Variants in NLRP5 observed in about 807,000 individuals in gnomAD.
NLRP5 encodes NLR family pyrin domain containing 5.
NLRP5 carries 93 observed loss-of-function variants against 113.1 expected under a neutral mutation model. The observed-to-expected ratio is 0.82, with a 90% CI of 0.70 to 0.98. The LOEUF (loss-of-function observed/expected upper bound fraction) is 0.98. NLRP5 is among the 50% of genes least tolerant of loss of function. The pLI, the probability that NLRP5 is intolerant of heterozygous loss-of-function variation, is 0.00. For synonymous variants in NLRP5, 751 were observed against 600.7 expected (o/e 1.25, Z -3.66); for missense variants, 1,808 against 1,514.3 (o/e 1.19, Z -3.22).
chr19:56,032,846 T>C, intron 8 of NLRP5, 65 bp downstream of exon 8: 2 of 1,473,712 alleles, frequency 1.4e-6, no homozygotes, highest in East Asian at 4.6e-5. Flanking sequence ...CTCCCCTACC[T>C]CCTGAGAGAC....
Position 56,061,740 on chromosome 19 carries a change from G to T in NLRP5, c.*212G>T. 1 of 544,516 alleles carries T rather than the reference G, an allele frequency of 1.8e-6. No individual in the cohort carries two copies. The highest frequency in any genetic ancestry group is 3.3e-6 in the Non-Finnish European group (1 of 307,460). 33.7% of individuals were successfully genotyped at this position (544,516 alleles called of 1,614,324 possible). The stretch of plus-strand genomic sequence containing the variant: ...AGAGACCTTCAAGTCATAGGACTCA[G>T]TATCTGTGAAATGTCCGTCATATCT... On this transcript the variant is annotated 3_prime_UTR_variant, in exon 15 of 15. Transcript: ENST00000390649.
At chr19:56,026,255 G>T (rs533261632) in intron 6 of NLRP5, among the ~76,000 whole-genome samples, 3 of 151,968 alleles carry the variant, frequency 2.0e-5, no homozygotes, top group Admixed American at 6.6e-5. Context: ...TCAGCTGGGC[G>T]CAGTGGTTCA....
At chr19:56,031,463 T>C (rs939219044) in intron 7 of NLRP5, among the ~76,000 whole-genome samples, 4 of 151,890 alleles carry the variant, frequency 2.6e-5, no homozygotes, top group African/African-American at 9.7e-5. Context: ...ACCCCATCTC[T>C]ACTAAAAAAA....
intron 1 of NLRP5, among the ~76,000 whole-genome samples, chr19:56,001,324 T>TAA (rs751650915): frequency 0.33 from 39,071 of 118,190 alleles, 6,635 homozygotes; most frequent in East Asian, 0.52. Flanking sequence ...CTCAGTCATT[T>TAA]AAAAAAAAAA....
Position 56,061,491 on chromosome 19 carries a change from C to T in NLRP5, c.3566C>T (p.Ser1189Phe). The stretch of plus-strand genomic sequence containing the variant: ...GTCGTAATTGACGGTAGTTGGCATT[C>T]TTTTGATGAAGATGACCGGTACTGG... The change falls in exon 15 of 15, where the codon TCT (serine) becomes TTT (phenylalanine). Residue 1189 changes from serine (S) to phenylalanine (F), a missense_variant. Physicochemically the swap from Ser to Phe is radical, Grantham distance 155. Transcript: ENST00000390649. The T allele has an allele frequency of 1.9e-6, 3 of 1,614,028 alleles. No homozygotes were observed. The South Asian group carries it at 3.3e-5, about 18-fold the overall frequency.
chr19:56,058,191 G>C (rs373954533), intron 13 of NLRP5, 49 bp from the exon 14 acceptor site: 1 of 1,408,808 alleles, frequency 7.1e-7, no homozygotes, highest in South Asian at 1.3e-5. Context: ...TGAATGAAGG[G>C]TCCATCATCG....
chr19:56,009,616 T>C (rs938829052), intron 3 of NLRP5, among the ~76,000 whole-genome samples: 2 of 152,070 alleles, frequency 1.3e-5, no homozygotes, highest in Admixed American at 1.3e-4. Flanking sequence ...ATTCACACAT[T>C]GTGGGACAGG....
intron 11 of NLRP5, among the ~76,000 whole-genome samples, chr19:56,045,911 T>C (rs988677254): frequency 6.6e-6 from 1 of 152,180 alleles, no homozygotes; most frequent in African/African-American, 2.4e-5. Context: ...TCTTCTGTGG[T>C]TTTCCTGTTA....
chr19:56,021,289 G>T (rs574612855), intron 6 of NLRP5, among the ~76,000 whole-genome samples: 1 of 152,276 alleles, frequency 6.6e-6, no homozygotes, highest in African/African-American at 2.4e-5. Context: ...GTAAGAGCAG[G>T]CTTCCCTGAG....
At chr19:56,002,615 C>A (rs1025956783) in intron 1 of NLRP5, among the ~76,000 whole-genome samples, 1 of 149,646 alleles carries the variant, frequency 6.7e-6, no homozygotes, top group East Asian at 2.0e-4. Flanking sequence ...TCGCTCCCCC[C>A]TCCCCCAACC....
intron 14 of NLRP5, among the ~76,000 whole-genome samples, chr19:56,060,737 A>T (rs1025256062): frequency 2.6e-5 from 4 of 152,126 alleles, no homozygotes; most frequent in South Asian, 2.1e-4. Flanking sequence ...CATGCAGAGA[A>T]TTACTTTTAT....
chr19:55,990,098 T>C, the NLRP5 span, among the ~76,000 whole-genome samples: 619 of 98,898 alleles, frequency 6.3e-3, 7 homozygotes, highest in African/African-American at 0.022. Context: ...TTTTTTTTTT[T>C]TTTTTTTTTG....
intron 2 of NLRP5, among the ~76,000 whole-genome samples, chr19:56,008,433 T>C (rs118154307): frequency 0.02 from 3,082 of 152,206 alleles, 55 homozygotes; most frequent in Non-Finnish European, 0.033. Context: ...GGGTAACTCA[T>C]AGGCATCTAG....
In NLRP5 at chr19:56,061,709, A is replaced by C; in HGVS notation, c.*181A>C. ...CACTCTACGTTGGTTACTGGATTTGAAGGCTAGAGACCTTCAAGTCATAGG... is the reference window on the plus strand; with the variant it reads ...CACTCTACGTTGGTTACTGGATTTGCAGGCTAGAGACCTTCAAGTCATAGG... On this transcript the variant is annotated 3_prime_UTR_variant, in exon 15 of 15. Coordinates refer to ENST00000390649, the MANE Select transcript of NLRP5 (RefSeq NM_153447.4). 1.5e-6 allele frequency: 1 copy of C among 652,170 alleles called. No individual in the cohort carries two copies. The highest frequency in any genetic ancestry group is 2.6e-6 in the Non-Finnish European group (1 of 381,170). The allele number at this position is 652,170 out of a possible 1,614,324, so 40.4% of individuals were successfully genotyped here.
intron 11 of NLRP5, among the ~76,000 whole-genome samples, chr19:56,045,312 C>A (rs9967622): frequency 0.47 from 70,705 of 151,938 alleles, 16,767 homozygotes; most frequent in African/African-American, 0.52. Flanking sequence ...ACAACCTGAA[C>A]AGGCTAAGTG....
intron 9 of NLRP5, among the ~76,000 whole-genome samples, chr19:56,035,333 A>G (rs953175335): frequency 6.6e-6 from 1 of 152,242 alleles, no homozygotes; most frequent in African/African-American, 2.4e-5. Flanking sequence ...CCTGGCAGCC[A>G]GGGAACTGCA....
chr19:56,030,818 G>A (rs931048133), intron 7 of NLRP5, among the ~76,000 whole-genome samples: 6 of 143,230 alleles, frequency 4.2e-5, no homozygotes, highest in East Asian at 2.2e-4. Context: ...GGGTTCAAGC[G>A]ATTCTCCTGC....
chr19:56,058,043 A>G (rs1984220407), intron 13 of NLRP5, among the ~76,000 whole-genome samples, 197 bp from the exon 14 acceptor site: 3 of 151,556 alleles, frequency 2.0e-5, no homozygotes, highest in South Asian at 2.1e-4. Flanking sequence ...AAAAAAAAAA[A>G]AGGCGAATAT....
chr19:56,005,370 CATAT>C (rs201524857), intron 2 of NLRP5, among the ~76,000 whole-genome samples: 6 of 144,910 alleles, frequency 4.1e-5, no homozygotes, highest in South Asian at 2.1e-4. Flanking sequence ...TATATACACA[CATAT>C]ATATTTATAT....
Sources: allele counts gnomAD v4.1 joint callset (sites outside exome capture counted in the v4.1 genomes callset), GRCh38; gene constraint gnomAD v4.1.1; transcripts MANE v1.5; gene names NCBI Gene and HGNC (gene_info 2026-07-23, HGNC 2026-07-21).